The following CTNNA3 variants were observed in gnomAD, a reference collection of about 807,000 sequenced individuals.
The protein encoded by CTNNA3 is catenin alpha-3.
Under a neutral mutation model 95.7 loss-of-function variants are expected in CTNNA3, and 76 were observed. The ratio of observed to expected loss-of-function variants is 0.79; its 90% confidence interval spans 0.66 to 0.96. The LOEUF is 0.96. Ranked by LOEUF, CTNNA3 falls within the 40% of genes least tolerant of loss-of-function variation. The probability of loss-of-function intolerance (pLI) is 0.00; values close to 1 mark genes in which losing one functional copy is unlikely to be tolerated. For synonymous variants in CTNNA3, 431 were observed against 374.4 expected, an observed-to-expected ratio of 1.15 and a Z score of -1.74; for missense variants, 1,191 against 1,089.8, an observed-to-expected ratio of 1.09 and a Z score of -1.31.
rs2091049114 is a variant in CTNNA3, at chr10:66,262,971, G to C, written c.1884+17499C>G. 2.0e-5 allele frequency among the ~76,000 whole-genome samples: 3 copies of C among 151,832 alleles called. No individual in the cohort carries two copies. In the South Asian group the frequency reaches 6.2e-4, roughly 32 times the overall value. ...AGGAAATGCCTTGAAGTAGACCGTG[G>C]GTGAATCTGTTTAAGCTGTGACCCA... On this transcript the variant is annotated intron_variant, in intron 13 of 17. Coordinates refer to ENST00000433211, the MANE Select transcript of CTNNA3 (RefSeq NM_013266.4).
rs150544258 is a variant in CTNNA3, at chr10:66,856,739, C to T, written c.1048-81215G>A. Among the ~76,000 whole-genome samples, 235 of 151,974 alleles carry T rather than the reference C, an allele frequency of 1.5e-3. 7 individuals carry two copies. In the East Asian group the frequency reaches 0.039, roughly 25 times the overall value. On this transcript the variant is annotated intron_variant, in intron 7 of 17. Coordinates refer to ENST00000433211, the MANE Select transcript of CTNNA3 (RefSeq NM_013266.4). Reference sequence around the variant, plus strand: ...AAAGTGTCTGTTCATGTCCTTTGCCCATGTTTTATGGGGTTGTTTTCTGCT... The same window carrying T: ...AAAGTGTCTGTTCATGTCCTTTGCCTATGTTTTATGGGGTTGTTTTCTGCT...
chr10:66,917,747 C>G (rs995720254), intron 7 of CTNNA3, among the ~76,000 whole-genome samples: 44 of 152,098 alleles, frequency 2.9e-4, no homozygotes, highest in Non-Finnish European at 3.2e-4. Flanking sequence ...CTATTATATA[C>G]AGTGCTTTAA....
chr10:66,013,003 C>T (rs1399549471), intron 15 of CTNNA3, among the ~76,000 whole-genome samples: 4 of 152,148 alleles, frequency 2.6e-5, no homozygotes, highest in Non-Finnish European at 2.9e-5. Flanking sequence ...CTGGTTCAAG[C>T]GATTCTCCTT....
intron 10 of CTNNA3, among the ~76,000 whole-genome samples, chr10:66,527,516 T>TA (rs1841310916): frequency 6.6e-6 from 1 of 152,156 alleles, no homozygotes; most frequent in South Asian, 2.1e-4. Flanking sequence ...ATCATCTTCA[T>TA]AATATTAAAT....
intron 5 of CTNNA3, among the ~76,000 whole-genome samples, chr10:67,499,258 C>A (rs1839148692): frequency 1.3e-5 from 2 of 152,138 alleles, no homozygotes; most frequent in African/African-American, 4.8e-5. Context: ...TATGTTGAAC[C>A]AGCCTTGCAT....
At chr10:66,246,825 G>A (rs1026845086) in intron 13 of CTNNA3, among the ~76,000 whole-genome samples, 1 of 151,870 alleles carries the variant, frequency 6.6e-6, no homozygotes, top group Admixed American at 6.6e-5. Flanking sequence ...GGCCAAGGCA[G>A]GTGGATCACG....
chr10:66,801,277 C>A (rs1208015372), intron 7 of CTNNA3, among the ~76,000 whole-genome samples: 1 of 151,104 alleles, frequency 6.6e-6, no homozygotes, highest in Non-Finnish European at 1.5e-5. Context: ...AGTAAGTTAG[C>A]CAGATCACAG....
At chr10:67,531,293 G>A (rs1840317884) in intron 4 of CTNNA3, among the ~76,000 whole-genome samples, 1 of 152,142 alleles carries the variant, frequency 6.6e-6, no homozygotes, top group Non-Finnish European at 1.5e-5. Context: ...GACACTCAAT[G>A]GCAACCCATG....
intron 7 of CTNNA3, among the ~76,000 whole-genome samples, chr10:66,880,735 TATTA>T (rs1041971307): frequency 6.6e-5 from 10 of 152,118 alleles, no homozygotes; most frequent in African/African-American, 2.4e-4. Flanking sequence ...TTAATCATAA[TATTA>T]ATTAAGTCTT....
intron 5 of CTNNA3, among the ~76,000 whole-genome samples, chr10:67,267,154 C>A (rs942323508): frequency 2.6e-5 from 4 of 151,998 alleles, no homozygotes; most frequent in African/African-American, 9.7e-5. Context: ...AAAACACAAA[C>A]AATTCTTAAC....
At chr10:67,011,249 G>A (rs1038088659) in intron 7 of CTNNA3, among the ~76,000 whole-genome samples, 2 of 151,366 alleles carry the variant, frequency 1.3e-5, no homozygotes, top group Non-Finnish European at 2.9e-5. Flanking sequence ...GCTGAGGCAG[G>A]AGAATTGCTT....
chr10:66,216,217 T>A (rs189093075), intron 13 of CTNNA3, among the ~76,000 whole-genome samples: 3 of 152,382 alleles, frequency 2.0e-5, no homozygotes, highest in Non-Finnish European at 4.4e-5. Context: ...CCCTTGGAAA[T>A]CTGTCAACTT....
chr10:66,267,520 T>C (rs1267810991), intron 13 of CTNNA3, among the ~76,000 whole-genome samples: 1 of 152,200 alleles, frequency 6.6e-6, no homozygotes, highest in Non-Finnish European at 1.5e-5. Flanking sequence ...CATTTGCTTA[T>C]GTACCTCTTT....
chr10:65,942,370 T>C (rs1436209686), intron 17 of CTNNA3, among the ~76,000 whole-genome samples: 1 of 151,996 alleles, frequency 6.6e-6, no homozygotes, highest in Non-Finnish European at 1.5e-5. Flanking sequence ...CTACTAAAAA[T>C]ACAAAAATTA....
intron 14 of CTNNA3, among the ~76,000 whole-genome samples, chr10:66,087,736 A>AAAAATTGTCACT (rs2081044816): frequency 6.6e-6 from 1 of 152,162 alleles, no homozygotes; most frequent in African/African-American, 2.4e-5. Context: ...AACTAGCCTG[A>AAAAATTGTCACT]AAAATTGTCA....
chr10:66,229,813 C>T (rs1292629769), intron 13 of CTNNA3, among the ~76,000 whole-genome samples: 1 of 152,000 alleles, frequency 6.6e-6, no homozygotes, highest in East Asian at 1.9e-4. Flanking sequence ...TAGGTTTCTG[C>T]CTTTTAGCAT....
intron 7 of CTNNA3, among the ~76,000 whole-genome samples, chr10:66,930,883 G>T (rs546173710): frequency 6.6e-6 from 1 of 152,044 alleles, no homozygotes. Flanking sequence ...TGGGAAAAAA[G>T]TTCTTTCTTT....
At chr10:67,250,497 G>A (rs369584532) in intron 5 of CTNNA3, among the ~76,000 whole-genome samples, 5 of 152,248 alleles carry the variant, frequency 3.3e-5, no homozygotes, top group South Asian at 4.1e-4. Flanking sequence ...TTACAGGCAT[G>A]AGCCACCGCG....
intron 2 of CTNNA3, among the ~76,000 whole-genome samples, chr10:67,619,075 G>A (rs1176653683): frequency 1.3e-5 from 2 of 152,106 alleles, no homozygotes; most frequent in East Asian, 3.8e-4. Flanking sequence ...GAAGCCAAGA[G>A]ACTTATTGTC....
Sources: allele counts gnomAD v4.1 joint callset (sites outside exome capture counted in the v4.1 genomes callset), GRCh38; gene constraint gnomAD v4.1.1; transcripts MANE v1.5; gene names NCBI Gene and HGNC (gene_info 2026-07-23, HGNC 2026-07-21).